The following LRRTM4 variants were observed in gnomAD, a reference collection of about 807,000 sequenced individuals.
LRRTM4 encodes leucine rich repeat transmembrane neuronal 4.
Under a neutral mutation model 47.6 loss-of-function variants are expected in LRRTM4, and 25 were observed. The ratio of observed to expected loss-of-function variants is 0.53; its 90% CI spans 0.38 to 0.73. LRRTM4 has a LOEUF of 0.73. LRRTM4 is among the 30% of genes least tolerant of loss of function. The probability of loss-of-function intolerance (pLI) is 0.00; values close to 1 mark genes in which losing one functional copy is unlikely to be tolerated. For synonymous variants in LRRTM4, 311 were observed against 269.5 expected, an observed-to-expected ratio of 1.15 and a Z score of -1.51; for missense variants, 638 against 713.4, an observed-to-expected ratio of 0.89 and a Z score of 1.20.
intron 3 of LRRTM4, among the ~76,000 whole-genome samples, chr2:76,949,757 T>C (rs1049923790): frequency 2.0e-5 from 3 of 152,062 alleles, no homozygotes; most frequent in African/African-American, 4.8e-5. Flanking sequence ...ACCAAACACA[T>C]TAAGATAGTT....
intron 3 of LRRTM4, among the ~76,000 whole-genome samples, chr2:77,274,332 C>T (rs1436587736): frequency 6.6e-6 from 1 of 152,122 alleles, no homozygotes; most frequent in African/African-American, 2.4e-5. Context: ...CCTTGGCTTC[C>T]TGCTATATCT....
At chr2:77,471,794 C>T (rs993124632) in intron 3 of LRRTM4, among the ~76,000 whole-genome samples, 1 of 152,150 alleles carries the variant, frequency 6.6e-6, no homozygotes, top group African/African-American at 2.4e-5. Context: ...GATTCTCTAG[C>T]TCCTTCATCC....
intron 3 of LRRTM4, among the ~76,000 whole-genome samples, chr2:77,432,561 C>T (rs2103908492): frequency 6.6e-6 from 1 of 152,248 alleles, no homozygotes; most frequent in East Asian, 1.9e-4. Context: ...CAGTCATCGA[C>T]ATATGGGATA....
chr2:77,509,276 C>T (rs1441107527), intron 3 of LRRTM4, among the ~76,000 whole-genome samples: 2 of 149,916 alleles, frequency 1.3e-5, no homozygotes, highest in African/African-American at 4.9e-5. Flanking sequence ...ACTGTTTCTG[C>T]TTATTAAAAT....
intron 3 of LRRTM4, among the ~76,000 whole-genome samples, chr2:76,807,433 T>C (rs1363660981): frequency 1.0e-5 from 1 of 95,374 alleles, no homozygotes; most frequent in Non-Finnish European, 1.8e-5. Flanking sequence ...TACATATATA[T>C]ATACGTATAT....
chr2:77,061,931 C>A (rs1003068917), intron 3 of LRRTM4, among the ~76,000 whole-genome samples: 4 of 152,046 alleles, frequency 2.6e-5, no homozygotes, highest in Non-Finnish European at 4.4e-5. Context: ...TGTTAATGAG[C>A]CAATTAAACA....
chr2:77,503,776 A>T (rs1678662043), intron 3 of LRRTM4, among the ~76,000 whole-genome samples: 1 of 151,756 alleles, frequency 6.6e-6, no homozygotes, highest in South Asian at 2.1e-4. Context: ...GAATGAACCC[A>T]TGTACAGAAG....
rs572732518 is a variant in LRRTM4 at position 77,421,662 on chromosome 2, A to G, written c.1551+96656T>C. Among the ~76,000 whole-genome samples the G allele has an allele frequency of 5.8e-4, 88 of 151,944 alleles. 1 individual carries two copies. The highest frequency in any genetic ancestry group is 1.5e-3 in the South Asian group (7 of 4,810). The stretch of plus-strand genomic sequence containing the variant: ...GCGGAGCTTGCAGTGAGCCGAGATC[A>G]CACCACTGCACTCCAGCCTGGGCGG... On this transcript the variant is annotated intron_variant, in intron 3 of 3. Transcript: ENST00000409884.
chr2:77,226,478 G>A (rs1178626079), intron 3 of LRRTM4, among the ~76,000 whole-genome samples: 1 of 150,690 alleles, frequency 6.6e-6, no homozygotes, highest in Non-Finnish European at 1.5e-5. Context: ...CATTGTTGGT[G>A]TTTGTTTTCT....
chr2:76,899,352 C>CACACACACAT (rs1491331702), intron 3 of LRRTM4, among the ~76,000 whole-genome samples: 7 of 96,586 alleles, frequency 7.2e-5, no homozygotes, highest in Admixed American at 3.8e-4. Context: ...CACACACACA[C>CACACACACAT]ATATATATAT....
chr2:77,349,370 T>C (rs1671678426), intron 3 of LRRTM4, among the ~76,000 whole-genome samples: 1 of 152,022 alleles, frequency 6.6e-6, no homozygotes, highest in South Asian at 2.1e-4. Context: ...TGAATGAATT[T>C]TATACGAAAA....
intron 3 of LRRTM4, among the ~76,000 whole-genome samples, chr2:77,301,638 G>A (rs771874140): frequency 6.6e-5 from 10 of 152,198 alleles, no homozygotes; most frequent in African/African-American, 2.2e-4. Context: ...AATTGCAGTC[G>A]CTTTTATTCT....
chr2:77,188,382 T>G (rs12713898), intron 3 of LRRTM4, among the ~76,000 whole-genome samples: 105,659 of 151,960 alleles, frequency 0.7, 37,420 homozygotes, highest in African/African-American at 0.85. Flanking sequence ...CATTTGACTT[T>G]GTTAATTTTT....
chr2:76,803,638 G>A (rs1368019943), intron 3 of LRRTM4, among the ~76,000 whole-genome samples: 1 of 152,092 alleles, frequency 6.6e-6, no homozygotes, highest in Admixed American at 6.6e-5. Flanking sequence ...GCTTTTTAAA[G>A]AGTAATTTTT....
chr2:76,923,841 A>G (rs1439616382), intron 3 of LRRTM4, among the ~76,000 whole-genome samples: 4 of 152,114 alleles, frequency 2.6e-5, no homozygotes, highest in African/African-American at 9.7e-5. Context: ...TAAAACTTGA[A>G]TTAAGTATAG....
intron 3 of LRRTM4, among the ~76,000 whole-genome samples, chr2:77,488,469 G>A (rs1158252736): frequency 1.3e-5 from 2 of 152,172 alleles, no homozygotes; most frequent in East Asian, 3.9e-4. Context: ...CTGCCAGGAC[G>A]AATGGGTGGA....
At position 77,460,988 on chromosome 2, in the gene LRRTM4, A is replaced by G. The variant is rs559749915; in HGVS notation, c.1551+57330T>C. Among the ~76,000 whole-genome samples, 5 of 152,270 alleles carry G rather than the reference A, an allele frequency of 3.3e-5. No homozygotes were observed. The South Asian group carries it at 6.2e-4, about 19-fold the overall frequency. ...TATAGACTACATTTTAAAGACCTTG[A>G]AAATTATAAAGTAAGTAATTAACAG... On this transcript the variant is annotated intron_variant, in intron 3 of 3. Coordinates refer to ENST00000409884, the MANE Select transcript of LRRTM4 (RefSeq NM_001134745.3).
At chr2:76,991,435 A>T (rs1483397100) in intron 3 of LRRTM4, among the ~76,000 whole-genome samples, 1 of 151,598 alleles carries the variant, frequency 6.6e-6, no homozygotes. Context: ...GCCCAAGTAG[A>T]AACAACAAAG....
chr2:77,462,540 A>G (rs1340366022), intron 3 of LRRTM4, among the ~76,000 whole-genome samples: 4 of 152,078 alleles, frequency 2.6e-5, no homozygotes, highest in Non-Finnish European at 5.9e-5. Flanking sequence ...TCCTGCTATG[A>G]AATAAGGAAA....
Sources: allele counts gnomAD v4.1 joint callset (sites outside exome capture counted in the v4.1 genomes callset), GRCh38; gene constraint gnomAD v4.1.1; transcripts MANE v1.5; gene names NCBI Gene and HGNC (gene_info 2026-07-23, HGNC 2026-07-21).